The following SGCZ variants were observed in gnomAD, a reference collection of about 807,000 sequenced individuals.
The protein encoded by SGCZ is sarcoglycan zeta.
Under a neutral mutation model 41.3 loss-of-function variants are expected in SGCZ, and 40 were observed. The observed-to-expected ratio is 0.97, with a 90% CI of 0.75 to 1.26. SGCZ has a LOEUF of 1.26. SGCZ is among the 50% of genes most tolerant of loss of function. The pLI is 0.00. For synonymous variants in SGCZ, 206 were observed against 137.5 expected (o/e 1.50, Z -3.49); for missense variants, 552 against 369.8 (o/e 1.49, Z -4.04).
At chr8:14,334,264 A>G (rs1802432465) in intron 2 of SGCZ, among the ~76,000 whole-genome samples, 2 of 152,070 alleles carry the variant, frequency 1.3e-5, no homozygotes, top group Admixed American at 6.6e-5. Flanking sequence ...CACCCTAACT[A>G]TGGCACTAAA....
At chr8:14,345,191 T>C (rs1395574046) in intron 2 of SGCZ, among the ~76,000 whole-genome samples, 2 of 152,082 alleles carry the variant, frequency 1.3e-5, no homozygotes, top group African/African-American at 4.8e-5. Context: ...GTTAACCTCA[T>C]TACTCATCAG....
intron 1 of SGCZ, among the ~76,000 whole-genome samples, chr8:14,759,348 A>T (rs1245541195): frequency 6.6e-6 from 1 of 151,598 alleles, no homozygotes; most frequent in East Asian, 1.9e-4. Context: ...GCCTCAACAA[A>T]AAAAAAAATG....
intron 1 of SGCZ, among the ~76,000 whole-genome samples, chr8:15,116,116 G>A (rs552262491): frequency 1.3e-5 from 2 of 152,064 alleles, no homozygotes; most frequent in African/African-American, 4.8e-5. Flanking sequence ...GTCAGATTTG[G>A]TCTGCAGCCA....
chr8:14,127,524 C>T (rs1802899653), intron 5 of SGCZ, among the ~76,000 whole-genome samples: 1 of 152,064 alleles, frequency 6.6e-6, no homozygotes, highest in African/African-American at 2.4e-5. Context: ...GGCACAATCT[C>T]GGCTCACTGC....
chr8:14,348,676 G>T (rs1197672918), intron 2 of SGCZ, among the ~76,000 whole-genome samples: 1 of 152,074 alleles, frequency 6.6e-6, no homozygotes, highest in Non-Finnish European at 1.5e-5. Flanking sequence ...GCACATTATA[G>T]TTGGAAAGAT....
intron 4 of SGCZ, among the ~76,000 whole-genome samples, chr8:14,179,622 G>C (rs985803351): frequency 1.3e-5 from 2 of 152,122 alleles, no homozygotes; most frequent in African/African-American, 2.4e-5. Context: ...GTCATGGATG[G>C]CGTAAAAGAC....
intron 2 of SGCZ, among the ~76,000 whole-genome samples, chr8:14,418,698 A>C (rs551185926): frequency 1.3e-5 from 2 of 152,008 alleles, no homozygotes; most frequent in African/African-American, 4.8e-5. Context: ...AACATGCCAC[A>C]ATCAATTTAT....
intron 3 of SGCZ, among the ~76,000 whole-genome samples, chr8:14,321,049 C>G: frequency 6.6e-6 from 1 of 151,930 alleles, no homozygotes; most frequent in East Asian, 1.9e-4. Flanking sequence ...AATGTTTTGG[C>G]CTAAAGTTGG....
intron 5 of SGCZ, among the ~76,000 whole-genome samples, chr8:14,163,153 A>G (rs1425396932): frequency 6.6e-6 from 1 of 152,178 alleles, no homozygotes; most frequent in African/African-American, 2.4e-5. Context: ...ATGAGCCACT[A>G]TGTCCAGCCA....
intron 5 of SGCZ, among the ~76,000 whole-genome samples, chr8:14,154,517 C>A (rs984711417): frequency 1.3e-5 from 2 of 152,050 alleles, no homozygotes; most frequent in African/African-American, 4.8e-5. Flanking sequence ...ACATGTTACC[C>A]GTGGTTTATT....
intron 1 of SGCZ, among the ~76,000 whole-genome samples, chr8:14,754,744 G>T (rs1799604184): frequency 6.6e-6 from 1 of 152,070 alleles, no homozygotes; most frequent in African/African-American, 2.4e-5. Flanking sequence ...GTCTTAATTT[G>T]TCACCTAGGC....
At chr8:14,132,147 T>A (rs1308313814) in intron 5 of SGCZ, among the ~76,000 whole-genome samples, 1 of 152,182 alleles carries the variant, frequency 6.6e-6, no homozygotes, top group African/African-American at 2.4e-5. Flanking sequence ...TTCCTTTTTT[T>A]CATTTCTGCT....
intron 1 of SGCZ, among the ~76,000 whole-genome samples, chr8:15,097,735 A>AAATAT (rs1554455106): frequency 7.5e-6 from 1 of 133,356 alleles, no homozygotes; most frequent in African/African-American, 2.8e-5. Flanking sequence ...TAAAAAAAAA[A>AAATAT]ATATATATAT....
chr8:14,898,762 G>A (rs1334266435), intron 1 of SGCZ, among the ~76,000 whole-genome samples: 1 of 152,174 alleles, frequency 6.6e-6, no homozygotes. Flanking sequence ...GAGAATACTA[G>A]TTGGAGATAA....
At chr8:14,293,082 TC>T (rs1376472772) in intron 3 of SGCZ, among the ~76,000 whole-genome samples, 1 of 152,012 alleles carries the variant, frequency 6.6e-6, no homozygotes, top group African/African-American at 2.4e-5. Flanking sequence ...TACAAATTTT[TC>T]AAAAGTGATC....
intron 2 of SGCZ, among the ~76,000 whole-genome samples, chr8:14,329,782 G>T (rs1185714762): frequency 2.0e-5 from 3 of 152,110 alleles, no homozygotes; most frequent in African/African-American, 7.2e-5. Context: ...TTTGCTAAGT[G>T]TCTCCTCCAA....
At position 14,530,928 on chromosome 8, in the gene SGCZ, C is replaced by G. The variant is rs547630451; in HGVS notation, c.234+23804G>C. On this transcript the variant is annotated intron_variant, in intron 2 of 7. Transcript: ENST00000382080. ...ATAATAGGTAAGTGAGGCTCTACTA[C>G]AGGTACACAAATGATAGCGATAGGA... Among the ~76,000 whole-genome samples the G allele has an allele frequency of 1.0e-3, 152 of 152,144 alleles. 1 individual carries two copies. The highest frequency in any genetic ancestry group is 1.3e-3 in the Non-Finnish European group (85 of 67,992).
At chr8:14,352,527 CACACTGAATATT>C (rs1008949960) in intron 2 of SGCZ, among the ~76,000 whole-genome samples, 4 of 152,092 alleles carry the variant, frequency 2.6e-5, no homozygotes, top group Non-Finnish European at 2.9e-5. Context: ...CAAATGACAG[CACACTGAATATT>C]ACCAGGTGCA....
intron 2 of SGCZ, among the ~76,000 whole-genome samples, chr8:14,491,657 T>G (rs1251980497): frequency 6.6e-6 from 1 of 152,188 alleles, no homozygotes; most frequent in Non-Finnish European, 1.5e-5. Flanking sequence ...TTTATGTTAC[T>G]GGGAGTAAGA....
Sources: gnomAD v4.1 joint callset for allele counts (sites outside exome capture counted in the v4.1 genomes callset) on GRCh38, gnomAD v4.1.1 for gene constraint, MANE v1.5 for transcripts, NCBI Gene and HGNC (gene_info 2026-07-23, HGNC 2026-07-21) for gene names.